HECW1: variants seen among roughly 807,000 people sequenced by gnomAD.
The protein encoded by HECW1 is HECT, C2 and WW domain containing E3 ubiquitin protein ligase 1, also known as E3 ubiquitin-protein ligase HECW1.
Under a neutral mutation model 182.3 loss-of-function variants are expected in HECW1, and 61 were observed. The observed-to-expected ratio is 0.33, with a 90% CI of 0.27 to 0.41. The LOEUF is 0.41. Ranked by LOEUF, HECW1 falls within the 10% of genes least tolerant of loss-of-function variation. HECW1 has a pLI of 1.00. For missense variants in HECW1, 1,739 were observed against 2,108.9 expected, an observed-to-expected ratio of 0.82 and a Z score of 3.44; for synonymous variants, 859 against 832.6, an observed-to-expected ratio of 1.03 and a Z score of -0.55.
At chr7:43,269,516 A>G (rs2152739825) in intron 3 of HECW1, among the ~76,000 whole-genome samples, 1 of 152,346 alleles carries the variant, frequency 6.6e-6, no homozygotes, top group East Asian at 1.9e-4. Context: ...TGAAATTCAC[A>G]CTTGAAGCAT....
intron 2 of HECW1, among the ~76,000 whole-genome samples, chr7:43,152,807 C>G (rs149803345): frequency 1.9e-3 from 287 of 152,274 alleles, no homozygotes; most frequent in African/African-American, 6.4e-3. Context: ...GCGTTTCCCC[C>G]TGAGCTGGTT....
intron 16 of HECW1, among the ~76,000 whole-genome samples, chr7:43,476,509 T>C (rs942869402): frequency 1.3e-5 from 2 of 152,148 alleles, no homozygotes; most frequent in Non-Finnish European, 2.9e-5. Flanking sequence ...ATAAAATTAA[T>C]ATTAGTTCCT....
chr7:43,403,042 G>A (rs1370443664), intron 7 of HECW1, among the ~76,000 whole-genome samples: 2 of 152,140 alleles, frequency 1.3e-5, no homozygotes, highest in Non-Finnish European at 2.9e-5. Context: ...TTAAGAATTG[G>A]GTATTCAAAA....
rs2075653771 is a variant in HECW1 at position 43,407,625 on chromosome 7, C to G, written c.695C>G (p.Ser232Cys). The change falls in exon 8 of 30, where the codon TCC becomes TGC. Residue 232 changes from serine to cysteine, a missense_variant. Physicochemically the swap from Ser to Cys is moderately radical, Grantham distance 112 (BLOSUM62 -1). Coordinates refer to ENST00000395891, the MANE Select transcript of HECW1 (RefSeq NM_015052.5). ...FFNPDPYLKISIQPGKHSIFP... is the reference protein window; with the variant it reads ...FFNPDPYLKICIQPGKHSIFP... ...AACCCAGACCCTTATCTGAAGATTT[C>G]CATTCAGCCTGGGAAACACAGCATC... 6.2e-7 allele frequency: 1 copy of G among 1,613,676 alleles called. No homozygotes were observed. The highest frequency in any genetic ancestry group is 8.5e-7 in the Non-Finnish European group (1 of 1,179,732).
In HECW1 at chr7:43,289,478, T is replaced by C. The variant is rs116635252; in HGVS notation, c.28-22285T>C. Among the ~76,000 whole-genome samples the C allele has an allele frequency of 5.6e-3, 852 of 152,298 alleles. 8 individuals are homozygous for C. The highest frequency in any genetic ancestry group is 0.018 in the African/African-American group (760 of 41,572). The stretch of plus-strand genomic sequence containing the variant: ...TACAGGGGTTGGGTTCCAGACTCTT[T>C]ATGAGACCTCCCTGATGTTCTTACT... On this transcript the variant is annotated intron_variant, in intron 3 of 29. Transcript: ENST00000395891.
chr7:43,556,023 A>G (rs2082005920), intron 29 of HECW1, among the ~76,000 whole-genome samples: 1 of 152,196 alleles, frequency 6.6e-6, no homozygotes, highest in Non-Finnish European at 1.5e-5. Context: ...CTGAGCTACA[A>G]CCACACACCT....
At position 43,437,916 on chromosome 7, in the gene HECW1, C is replaced by T. The variant is rs973948845; in HGVS notation, c.802-87C>T. 3.7e-6 allele frequency: 5 copies of T among 1,347,582 alleles called. No homozygotes were observed. The African/African-American group carries it at 7.2e-5, about 19-fold the overall frequency. The allele number at this position is 1,347,582 out of a possible 1,614,324, so 83.5% of individuals were successfully genotyped here. On this transcript the variant is annotated intron_variant, in intron 8 of 29. Transcript: ENST00000395891. ...GGTATATTATAGCTAGGATGTTTTA[C>T]AGTGACAGCATCAAGGCAGATGGAC...
At chr7:43,228,999 A>G (rs1797665651) in intron 2 of HECW1, among the ~76,000 whole-genome samples, 1 of 152,208 alleles carries the variant, frequency 6.6e-6, no homozygotes, top group African/African-American at 2.4e-5. Flanking sequence ...TGCTTTTTAT[A>G]GCTTTCAGAT....
chr7:43,121,379 G>A (rs189983901), intron 2 of HECW1, among the ~76,000 whole-genome samples: 66 of 152,198 alleles, frequency 4.3e-4, no homozygotes, highest in Non-Finnish European at 1.6e-4. Context: ...GCCAAAGTAC[G>A]CACAATTCCC....
chr7:43,364,943 A>C (rs1436812734), intron 6 of HECW1, among the ~76,000 whole-genome samples: 5 of 152,136 alleles, frequency 3.3e-5, no homozygotes, highest in Non-Finnish European at 7.4e-5. Context: ...TCTTTCTCTG[A>C]TTATACATCA....
At position 43,534,840 on chromosome 7, in the gene HECW1, C is replaced by T. The variant is rs80214812; in HGVS notation, c.4020-6323C>T. 7.7e-3 allele frequency among the ~76,000 whole-genome samples: 1,171 copies of T among 152,296 alleles called. 7 individuals are homozygous for T. Among genetic ancestry groups the T allele is most frequent in the African/African-American group, 0.027 (1,104 of 41,554 alleles). Reference sequence around the variant, plus strand: ...ACTGTCAGCCCAATCCACGTTTTCACTCTTCAATTCAGAATGGGTTTTTAG... The same window carrying T: ...ACTGTCAGCCCAATCCACGTTTTCATTCTTCAATTCAGAATGGGTTTTTAG... On this transcript the variant is annotated intron_variant, in intron 24 of 29. Transcript: ENST00000395891.
At chr7:43,416,778 A>G (rs1391287721) in intron 8 of HECW1, among the ~76,000 whole-genome samples, 4 of 146,890 alleles carry the variant, frequency 2.7e-5, no homozygotes, top group African/African-American at 1.0e-4. Context: ...TTCGGGTGGG[A>G]GTGACCCGAT....
chr7:43,321,068 T>C (rs1477478954), intron 5 of HECW1, among the ~76,000 whole-genome samples: 2 of 152,172 alleles, frequency 1.3e-5, no homozygotes, highest in African/African-American at 4.8e-5. Context: ...GCATCTCCAA[T>C]GTGGCCATAG....
intron 3 of HECW1, among the ~76,000 whole-genome samples, chr7:43,247,963 A>G (rs1799587473): frequency 7.4e-6 from 1 of 135,798 alleles, no homozygotes; most frequent in African/African-American, 3.1e-5. Flanking sequence ...GAAGGAAAGA[A>G]AAAGAGAAAG....
At chr7:43,321,747 A>G (rs1810140269) in intron 5 of HECW1, among the ~76,000 whole-genome samples, 1 of 152,208 alleles carries the variant, frequency 6.6e-6, no homozygotes, top group African/African-American at 2.4e-5. Flanking sequence ...AGGAAAAACT[A>G]TATCCTCAAG....
chr7:43,196,819 G>A (rs930246136), intron 2 of HECW1, among the ~76,000 whole-genome samples: 7 of 152,100 alleles, frequency 4.6e-5, no homozygotes, highest in Non-Finnish European at 8.8e-5. Flanking sequence ...AACATATGAA[G>A]AATAATTTGT....
At position 43,445,212 on chromosome 7, in the gene HECW1, C is replaced by T. The variant is rs747173588; in HGVS notation, c.2040C>T (p.Pro680=). 17 of 1,613,034 alleles carry T rather than the reference C, an allele frequency of 1.1e-5. No homozygotes were observed. The African/African-American group carries it at 1.9e-4, about 18-fold the overall frequency. Residue 680 remains proline, a synonymous_variant, in exon 11 of 30, where the codon CCC becomes CCT. Transcript: ENST00000395891. ...CEGCDASCCS[P]SCYSSSCYST... ...GCTGTGACGCGTCCTGCTGCAGCCC[C>T]TCGTGCTACAGCTCCTCGTGCTACA...
At chr7:43,495,545 G>A (rs1319942175) in intron 19 of HECW1, among the ~76,000 whole-genome samples, 1 of 152,062 alleles carries the variant, frequency 6.6e-6, no homozygotes, top group Non-Finnish European at 1.5e-5. Context: ...TCTCTTCCTT[G>A]TCTTTGTGCC....
chr7:43,143,801 T>C (rs1788419228), intron 2 of HECW1, among the ~76,000 whole-genome samples: 1 of 152,216 alleles, frequency 6.6e-6, no homozygotes, highest in African/African-American at 2.4e-5. Flanking sequence ...CCTTATTTGA[T>C]GGCCACTTGG....
Sources: gnomAD v4.1 joint callset for allele counts (sites outside exome capture counted in the v4.1 genomes callset) on GRCh38, gnomAD v4.1.1 for gene constraint, MANE v1.5 for transcripts, NCBI Gene and HGNC (gene_info 2026-07-23, HGNC 2026-07-21) for gene names.